POU2AF2: variants seen among roughly 807,000 people sequenced by gnomAD.
POU2AF2 encodes the protein POU class 2 homeobox associating factor 2, also known as POU domain class 2-associating factor 2.
At chr11:111,252,365 A>G in the POU2AF2 span, among the ~76,000 whole-genome samples, 1 of 152,182 alleles carries the variant, frequency 6.6e-6, no homozygotes, top group African/African-American at 2.4e-5. Context: ...GATTCGGTAC[A>G]TTTGGAGTAG....
the POU2AF2 span, among the ~76,000 whole-genome samples, chr11:111,247,089 C>A: frequency 1.3e-5 from 2 of 152,004 alleles, no homozygotes; most frequent in Non-Finnish European, 2.9e-5. Context: ...TGGCTTGTTT[C>A]ACTTAGCATA....
chr11:111,271,781 C>A, the POU2AF2 span, among the ~76,000 whole-genome samples: 2 of 151,926 alleles, frequency 1.3e-5, no homozygotes, highest in African/African-American at 4.8e-5. Context: ...GGGAGGCCAA[C>A]GTGGGTGGAT....
the POU2AF2 span, among the ~76,000 whole-genome samples, chr11:111,260,441 C>A: frequency 2.0e-5 from 3 of 152,240 alleles, no homozygotes; most frequent in African/African-American, 4.8e-5. Context: ...TTAGAAGAGG[C>A]CCTTACCTGG....
the POU2AF2 span, among the ~76,000 whole-genome samples, chr11:111,263,980 C>T: frequency 6.6e-5 from 10 of 152,334 alleles, no homozygotes; most frequent in Admixed American, 5.9e-4. Flanking sequence ...CTATTAAACA[C>T]TCAACTGCAT....
the POU2AF2 span, among the ~76,000 whole-genome samples, chr11:111,278,293 A>G: frequency 6.6e-6 from 1 of 152,240 alleles, no homozygotes; most frequent in Non-Finnish European, 1.5e-5. Context: ...CTCTGGTTCC[A>G]GAGGCTTTAC....
chr11:111,247,199 G>C, the POU2AF2 span, among the ~76,000 whole-genome samples: 2 of 148,368 alleles, frequency 1.3e-5, no homozygotes, highest in Non-Finnish European at 3.0e-5. Context: ...CACAGAGAGA[G>C]AGAGAGAGAG....
the POU2AF2 span, among the ~76,000 whole-genome samples, chr11:111,272,341 T>G: frequency 6.6e-6 from 1 of 152,208 alleles, no homozygotes; most frequent in East Asian, 1.9e-4. Flanking sequence ...ATTCAGGCTA[T>G]GTCACTTAGC....
chr11:111,280,653 A>G, the POU2AF2 span, among the ~76,000 whole-genome samples: 5 of 152,170 alleles, frequency 3.3e-5, no homozygotes, highest in Non-Finnish European at 7.3e-5. Flanking sequence ...CTTGTGTTCA[A>G]GTCACCCTTA....
chr11:111,269,176 C>T, the POU2AF2 span, among the ~76,000 whole-genome samples: 1 of 148,274 alleles, frequency 6.7e-6, no homozygotes, highest in African/African-American at 2.5e-5. Flanking sequence ...CAGCTAACCC[C>T]CTCCACGAGC....
the POU2AF2 span, among the ~76,000 whole-genome samples, chr11:111,256,480 A>G: frequency 6.6e-6 from 1 of 152,244 alleles, no homozygotes; most frequent in African/African-American, 2.4e-5. Context: ...ATCACAGTCA[A>G]TAAATGCTGG....
At chr11:111,250,016 G>A in the POU2AF2 span, among the ~76,000 whole-genome samples, 2 of 151,996 alleles carry the variant, frequency 1.3e-5, no homozygotes, top group Non-Finnish European at 2.9e-5. Context: ...TTTTTACCAG[G>A]TCCAGGTTCT....
At chr11:111,270,645 T>G in the POU2AF2 span, among the ~76,000 whole-genome samples, 4 of 152,306 alleles carry the variant, frequency 2.6e-5, no homozygotes, top group East Asian at 7.7e-4. Flanking sequence ...TTTTTTTATT[T>G]GTAAATATGT....
At chr11:111,253,477 T>C in the POU2AF2 span, among the ~76,000 whole-genome samples, 1 of 152,224 alleles carries the variant, frequency 6.6e-6, no homozygotes, top group African/African-American at 2.4e-5. Flanking sequence ...TGGTGGAAAC[T>C]TGAGATTCAC....
chr11:111,271,992 G>A, the POU2AF2 span, among the ~76,000 whole-genome samples: 5 of 152,144 alleles, frequency 3.3e-5, no homozygotes, highest in Non-Finnish European at 7.3e-5. Flanking sequence ...ACTCCAGCCT[G>A]GGCAACAAGA....
At chr11:111,275,441 T>C in the POU2AF2 span, among the ~76,000 whole-genome samples, 1 of 152,220 alleles carries the variant, frequency 6.6e-6, no homozygotes, top group Non-Finnish European at 1.5e-5. Context: ...TGGCTTTACA[T>C]GTGAAGACTG....
At chr11:111,273,713 T>C in the POU2AF2 span, among the ~76,000 whole-genome samples, 1 of 152,228 alleles carries the variant, frequency 6.6e-6, no homozygotes. Context: ...TATAGGATAA[T>C]AAAATGACTA....
the POU2AF2 span, among the ~76,000 whole-genome samples, chr11:111,263,683 G>A: frequency 3.3e-5 from 5 of 151,952 alleles, no homozygotes; most frequent in South Asian, 2.1e-4. Flanking sequence ...TGCCCACCTC[G>A]GCCTCCCAAA....
chr11:111,286,071 C>A, the POU2AF2 span: 1 of 1,599,734 alleles, frequency 6.3e-7, no homozygotes, highest in Non-Finnish European at 8.5e-7. Flanking sequence ...GGCCAAATGA[C>A]TTCTGGGTTT....
chr11:111,266,254 G>A, the POU2AF2 span, among the ~76,000 whole-genome samples: 2 of 152,132 alleles, frequency 1.3e-5, no homozygotes, highest in South Asian at 2.1e-4. Context: ...GCAGATGGGA[G>A]AGGGTCAGCA....
Sources: allele counts gnomAD v4.1 joint callset (sites outside exome capture counted in the v4.1 genomes callset), GRCh38; gene constraint gnomAD v4.1.1; transcripts MANE v1.5; gene names NCBI Gene and HGNC (gene_info 2026-07-23, HGNC 2026-07-21).